HSD17B2: variants seen among roughly 807,000 people sequenced by gnomAD.
HSD17B2 encodes the protein 17-beta-hydroxysteroid dehydrogenase type 2.
Under a neutral mutation model 26.9 loss-of-function variants are expected in HSD17B2, and 32 were observed. The ratio of observed to expected loss-of-function variants is 1.19; its 90% confidence interval spans 0.90 to 1.60. The LOEUF (loss-of-function observed/expected upper bound fraction) is 1.60. Ranked by LOEUF, HSD17B2 falls within the 40% of genes most tolerant of loss-of-function variation. HSD17B2 has a pLI of 0.00. For missense variants in HSD17B2, 613 were observed against 468.6 expected (o/e 1.31, Z -2.85); for synonymous variants, 246 against 186.7 (o/e 1.32, Z -2.59).
intron 4 of HSD17B2, chr16:82,096,425 T>C (rs559121737): frequency 1.1e-3 from 173 of 152,186 alleles, no homozygotes; most frequent in African/African-American, 4.1e-3. Context: ...GGTTTCACCA[T>C]GTTGGCTAGG....
chr16:82,044,330 G>A (rs1913852278), intron 1 of HSD17B2: 1 of 152,184 alleles, frequency 6.6e-6, no homozygotes, highest in Admixed American at 6.5e-5. Flanking sequence ...AAATGAGACA[G>A]GGGGCTTAAG....
intron 3 of HSD17B2, among the ~76,000 whole-genome samples, chr16:82,088,672 G>A (rs2047260882): frequency 6.6e-6 from 1 of 152,172 alleles, no homozygotes; most frequent in Non-Finnish European, 1.5e-5. Flanking sequence ...TCCCTTATTA[G>A]TAATAGAAAG....
At chr16:82,079,851 T>C (rs183108997) in intron 3 of HSD17B2, among the ~76,000 whole-genome samples, 23 of 152,346 alleles carry the variant, frequency 1.5e-4, no homozygotes, top group African/African-American at 4.3e-4. Flanking sequence ...CTTGTTGATA[T>C]ATCTTTGGCA....
intron 3 of HSD17B2, among the ~76,000 whole-genome samples, chr16:82,076,011 A>G (rs1024681852): frequency 6.6e-6 from 1 of 152,104 alleles, no homozygotes; most frequent in African/African-American, 2.4e-5. Context: ...TCAACAGCGC[A>G]TTAAAAAGAT....
chr16:82,088,666 T>G (rs1256769020), intron 3 of HSD17B2, among the ~76,000 whole-genome samples: 1 of 152,224 alleles, frequency 6.6e-6, no homozygotes, highest in East Asian at 1.9e-4. Flanking sequence ...TTGGCCTCCC[T>G]TATTAGTAAT....
chr16:82,036,526 T>C (rs906181940), intron 1 of HSD17B2, among the ~76,000 whole-genome samples: 11 of 151,914 alleles, frequency 7.2e-5, no homozygotes, highest in East Asian at 1.9e-4. Flanking sequence ...GTGGAATCAT[T>C]TGGGGGAGAT....
intron 1 of HSD17B2, among the ~76,000 whole-genome samples, chr16:82,062,398 G>T (rs1371252079): frequency 1.3e-5 from 2 of 152,190 alleles, no homozygotes; most frequent in Admixed American, 1.3e-4. Context: ...TAGTGACAAA[G>T]GACCCTCTCT....
chr16:82,073,555 A>G (rs1914746054), intron 3 of HSD17B2, among the ~76,000 whole-genome samples: 1 of 152,120 alleles, frequency 6.6e-6, no homozygotes, highest in African/African-American at 2.4e-5. Flanking sequence ...AGCTATGTCC[A>G]TCTATTTTCT....
At chr16:82,036,698 G>A (rs1171476585) in intron 1 of HSD17B2, among the ~76,000 whole-genome samples, 2 of 152,060 alleles carry the variant, frequency 1.3e-5, no homozygotes, top group Non-Finnish European at 2.9e-5. Flanking sequence ...TGCTTGTTGG[G>A]GTTAGACAAG....
intron 1 of HSD17B2, 64 bp downstream of exon 1, chr16:82,035,753 G>T: frequency 2.0e-6 from 3 of 1,522,632 alleles, no homozygotes; most frequent in African/African-American, 1.4e-5. Context: ...GCCTTAGCAG[G>T]ACTTTGTCAA....
chr16:82,043,174 C>T (rs992952190), intron 1 of HSD17B2, among the ~76,000 whole-genome samples: 57 of 152,162 alleles, frequency 3.7e-4, no homozygotes, highest in Non-Finnish European at 1.2e-4. Context: ...CGTCTTGGGC[C>T]AAGCTTTTCC....
chr16:82,084,678 GA>G (rs1462241187), intron 3 of HSD17B2, among the ~76,000 whole-genome samples: 1 of 152,172 alleles, frequency 6.6e-6, no homozygotes, highest in Admixed American at 6.5e-5. Flanking sequence ...TTTTCCTCCA[GA>G]AATCGCAGAG....
chr16:82,047,650 G>A (rs1234544442), intron 1 of HSD17B2, among the ~76,000 whole-genome samples: 1 of 152,218 alleles, frequency 6.6e-6, no homozygotes, highest in East Asian at 1.9e-4. Context: ...GCAGCCAACT[G>A]GAGGGACTTT....
At chr16:82,037,125 G>A (rs1185385889) in intron 1 of HSD17B2, among the ~76,000 whole-genome samples, 2 of 152,216 alleles carry the variant, frequency 1.3e-5, no homozygotes, top group Admixed American at 6.5e-5. Flanking sequence ...TGTTGAGTGA[G>A]GATGATTGAA....
At chr16:82,047,920 G>A (rs1288386913) in intron 1 of HSD17B2, among the ~76,000 whole-genome samples, 1 of 152,202 alleles carries the variant, frequency 6.6e-6, no homozygotes, top group African/African-American at 2.4e-5. Flanking sequence ...GATTCTGAGG[G>A]TCTGAGGGTG....
At position 82,098,172 on chromosome 16, in the gene HSD17B2, C is replaced by T. The variant is rs747758320; in HGVS notation, c.900C>T (p.Ile300=). 1.1e-5 allele frequency: 17 copies of T among 1,614,030 alleles called. No homozygotes were observed. In the East Asian group the frequency reaches 1.8e-4, roughly 17 times the overall value. Residue 300 remains isoleucine, a synonymous_variant, in exon 5 of 5, where the codon ATC becomes ATT. Transcript: ENST00000199936. ...EVQEDYGQDY[I]LAQRNFLLLI... ...AGGAAGACTACGGCCAGGACTACAT[C>T]TTAGCACAGCGGAATTTCCTCCTAT...
chr16:82,041,701 G>C (rs1282605857), intron 1 of HSD17B2, among the ~76,000 whole-genome samples: 1 of 152,104 alleles, frequency 6.6e-6, no homozygotes, highest in Non-Finnish European at 1.5e-5. Context: ...ATGCTTCTTT[G>C]TCCTTTGACT....
At chr16:82,068,427 GC>G in intron 2 of HSD17B2, 45 bp downstream of exon 2, 1 of 1,507,670 alleles carries the variant, frequency 6.6e-7, no homozygotes. Flanking sequence ...CCTCCTGAAT[GC>G]CCAGCTCTTG....
At chr16:82,089,575 T>C (rs1230895631) in intron 3 of HSD17B2, among the ~76,000 whole-genome samples, 2 of 152,048 alleles carry the variant, frequency 1.3e-5, no homozygotes, top group Non-Finnish European at 2.9e-5. Context: ...ACAAACGGAG[T>C]GGCTTAAAAC....
Sources: gnomAD v4.1 joint callset for allele counts (sites outside exome capture counted in the v4.1 genomes callset) on GRCh38, gnomAD v4.1.1 for gene constraint, MANE v1.5 for transcripts, NCBI Gene and HGNC (gene_info 2026-07-23, HGNC 2026-07-21) for gene names.